AGTR1: variants seen among roughly 807,000 people sequenced by gnomAD.
AGTR1 encodes angiotensin II receptor type 1.
Under a neutral mutation model 19.4 loss-of-function variants are expected in AGTR1, and 16 were observed. The ratio of observed to expected loss-of-function variants is 0.82; its 90% CI spans 0.56 to 1.25. The LOEUF is 1.25. Ranked by LOEUF, AGTR1 falls within the 50% of genes most tolerant of loss-of-function variation. The pLI is 0.00. For synonymous variants in AGTR1, 153 were observed against 154.9 expected (o/e 0.99, Z 0.09); for missense variants, 373 against 431.9 (o/e 0.86, Z 1.21).
At chr3:148,708,630 G>A (rs1357709040) in intron 2 of AGTR1, among the ~76,000 whole-genome samples, 1 of 152,106 alleles carries the variant, frequency 6.6e-6, no homozygotes, top group Admixed American at 6.6e-5. Flanking sequence ...CACATGGCAG[G>A]GCATTAAACT....
intron 2 of AGTR1, among the ~76,000 whole-genome samples, chr3:148,739,630 C>T (rs1714761759): frequency 6.6e-6 from 1 of 152,214 alleles, no homozygotes; most frequent in South Asian, 2.1e-4. Flanking sequence ...AACTCCTTCA[C>T]ATGTGTTATG....
At chr3:148,736,744 C>A (rs1302840500) in intron 2 of AGTR1, among the ~76,000 whole-genome samples, 1 of 152,152 alleles carries the variant, frequency 6.6e-6, no homozygotes, top group Non-Finnish European at 1.5e-5. Context: ...ACCCCAAATT[C>A]ATCTTCCTTT....
intron 2 of AGTR1, among the ~76,000 whole-genome samples, chr3:148,732,135 C>T (rs770369243): frequency 1.3e-5 from 2 of 152,182 alleles, no homozygotes; most frequent in African/African-American, 2.4e-5. Flanking sequence ...ACATTGCGCC[C>T]CCCTCTTCAC....
intron 2 of AGTR1, among the ~76,000 whole-genome samples, chr3:148,732,369 C>A (rs367611112): frequency 5.0e-4 from 76 of 152,258 alleles, no homozygotes; most frequent in Middle Eastern, 3.4e-3. Context: ...AACCAGCTAT[C>A]CAAATGTGCC....
chr3:148,719,897 T>A (rs1334408626), intron 2 of AGTR1, among the ~76,000 whole-genome samples: 1 of 152,258 alleles, frequency 6.6e-6, no homozygotes, highest in African/African-American at 2.4e-5. Flanking sequence ...ACTCATTTCT[T>A]CTTTGTTTGC....
chr3:148,724,692 G>T (rs1246240180), intron 2 of AGTR1, among the ~76,000 whole-genome samples: 1 of 152,094 alleles, frequency 6.6e-6, no homozygotes, highest in Non-Finnish European at 1.5e-5. Flanking sequence ...TCCGTAAGTT[G>T]CAGAATGACT....
At chr3:148,715,518 C>T (rs955050207) in intron 2 of AGTR1, among the ~76,000 whole-genome samples, 3 of 151,944 alleles carry the variant, frequency 2.0e-5, no homozygotes, top group Admixed American at 6.6e-5. Flanking sequence ...AGAGACATCC[C>T]CCAGAGTAAG....
At chr3:148,740,251 C>T (rs929481451) in intron 2 of AGTR1, among the ~76,000 whole-genome samples, 2 of 152,150 alleles carry the variant, frequency 1.3e-5, no homozygotes, top group Non-Finnish European at 2.9e-5. Flanking sequence ...AAATGGTTAA[C>T]CACAGAGTTA....
At chr3:148,721,280 A>G (rs747824619) in intron 2 of AGTR1, among the ~76,000 whole-genome samples, 1 of 152,148 alleles carries the variant, frequency 6.6e-6, no homozygotes, top group African/African-American at 2.4e-5. Flanking sequence ...AGACTATAAC[A>G]TGTTTTCCCC....
chr3:148,726,850 G>A lies in AGTR1; in HGVS notation c.-47-14139G>A, dbSNP rs16860760. 6.6e-3 allele frequency among the ~76,000 whole-genome samples: 999 copies of A among 152,252 alleles called. 22 individuals are homozygous for A. Among genetic ancestry groups the A allele is most frequent in the East Asian group, 0.066 (339 of 5,172 alleles). ...TTGGCATCAGTATACAGAAAAGGCT[G>A]CACTCTGAGATAAGAAAGAACAGTG... On this transcript the variant is annotated intron_variant, in intron 2 of 2. Transcript: ENST00000349243.
intron 2 of AGTR1, among the ~76,000 whole-genome samples, chr3:148,734,265 A>G (rs1363879416): frequency 1.3e-5 from 2 of 152,204 alleles, no homozygotes; most frequent in African/African-American, 2.4e-5. Flanking sequence ...ATGTTAATAT[A>G]AATTATAAAG....
chr3:148,727,942 A>G (rs988440530), intron 2 of AGTR1, among the ~76,000 whole-genome samples: 1 of 152,074 alleles, frequency 6.6e-6, no homozygotes, highest in Non-Finnish European at 1.5e-5. Flanking sequence ...GGTGTGGGAG[A>G]CTGTCCCACG....
intron 2 of AGTR1, among the ~76,000 whole-genome samples, chr3:148,733,064 C>G (rs1714377781): frequency 1.3e-5 from 2 of 152,040 alleles, no homozygotes; most frequent in Non-Finnish European, 2.9e-5. Context: ...AAGAGTATAA[C>G]CAACTCCCCG....
At chr3:148,726,146 G>A (rs1309853181) in intron 2 of AGTR1, among the ~76,000 whole-genome samples, 1 of 152,088 alleles carries the variant, frequency 6.6e-6, no homozygotes, top group Non-Finnish European at 1.5e-5. Context: ...TTCTAGAGAA[G>A]CGAAGAAGAA....
At chr3:148,729,059 A>G (rs1449233336) in intron 2 of AGTR1, among the ~76,000 whole-genome samples, 4 of 152,248 alleles carry the variant, frequency 2.6e-5, no homozygotes, top group African/African-American at 7.2e-5. Flanking sequence ...GAGAGTTTTA[A>G]TATCTCCTGA....
intron 2 of AGTR1, chr3:148,739,769 G>A (rs1300778372): frequency 4.9e-5 from 60 of 1,231,174 alleles, no homozygotes; most frequent in Non-Finnish European, 5.7e-5. Context: ...CATGGCAGTG[G>A]TGTCTTATTT....
In AGTR1 at chr3:148,740,991, G is replaced by A. The variant is rs1390492157; in HGVS notation, c.-45G>A. On this transcript the variant is annotated splice_region_variant and 5_prime_UTR_variant, in exon 3 of 3. Coordinates refer to ENST00000349243, the MANE Select transcript of AGTR1 (RefSeq NM_000685.5). Reference sequence around the variant, plus strand: ...CATTTTATTTTTATTTTCCCCAGGTGTATTTGATATAGTGTTTGCAACAAA... The same window carrying A: ...CATTTTATTTTTATTTTCCCCAGGTATATTTGATATAGTGTTTGCAACAAA... 1.2e-6 allele frequency: 2 copies of A among 1,610,314 alleles called. No individual in the cohort carries two copies. Among genetic ancestry groups the A allele is most frequent in the Non-Finnish European group, 1.7e-6 (2 of 1,178,372 alleles).
Position 148,704,678 on chromosome 3 carries a change from T to G in AGTR1, c.-131-3266T>G, listed in dbSNP as rs368622695. On this transcript the variant is annotated intron_variant, in intron 1 of 2. Transcript: ENST00000349243. ...CCCAAATGATTCAGTCCCTGAGCTG[T>G]TTCACCCAGTGCAGGTAGATTCTCT... Among the ~76,000 whole-genome samples, 4 of 152,300 alleles carry G rather than the reference T, an allele frequency of 2.6e-5. No individual in the cohort carries two copies. The South Asian group carries it at 8.3e-4, about 32-fold the overall frequency.
Position 148,716,238 on chromosome 3 carries a change from G to GAACCAT in AGTR1, c.-48+8213_-48+8218dup, listed in dbSNP as rs911856676. Among the ~76,000 whole-genome samples, 1 of 152,000 alleles carries GAACCAT rather than the reference G, an allele frequency of 6.6e-6. No individual in the cohort carries two copies. The highest frequency in any genetic ancestry group is 1.5e-5 in the Non-Finnish European group (1 of 68,000). On this transcript the variant is annotated intron_variant, in intron 2 of 2. Coordinates refer to ENST00000349243, the MANE Select transcript of AGTR1 (RefSeq NM_000685.5). The surrounding 1 kb of genome is among the most constrained non-coding windows in gnomAD (Gnocchi z 4.7). ...TCCTAGTCTACCCTATCCCACAACG[G>GAACCAT]AACCATACTTCTCTCATGGAAGCCC...
Sources: allele counts gnomAD v4.1 joint callset (sites outside exome capture counted in the v4.1 genomes callset), GRCh38; gene constraint gnomAD v4.1.1; non-coding constraint Gnocchi (gnomAD v3.1); transcripts MANE v1.5; gene names NCBI Gene and HGNC (gene_info 2026-07-23, HGNC 2026-07-21).